Variants in ZNF184 observed in about 807,000 individuals in gnomAD.
ZNF184 encodes the protein zinc finger protein 184, also known as zinc finger protein 184 (Kruppel-like).
ZNF184 carries 16 observed loss-of-function variants against 54.4 expected under a neutral mutation model. The observed-to-expected ratio is 0.29, with a 90% CI of 0.20 to 0.45. ZNF184 has a LOEUF of 0.45. Among genes scored for constraint, ZNF184 ranks in the 20% least tolerant of loss-of-function variants. The probability of loss-of-function intolerance (pLI) is 1.00; values close to 1 mark genes in which losing one functional copy is unlikely to be tolerated. For synonymous variants in ZNF184, 254 were observed against 295.3 expected, an observed-to-expected ratio of 0.86 and a Z score of 1.43; for missense variants, 681 against 888.2, an observed-to-expected ratio of 0.77 and a Z score of 2.97.
chr6:27,414,770 C>T, the ZNF184 span, among the ~76,000 whole-genome samples: 16 of 151,984 alleles, frequency 1.1e-4, no homozygotes, highest in African/African-American at 3.6e-4. Context: ...ATTATCTCCC[C>T]CTTCAGTGAG....
chr6:27,451,161 T>C lies in ZNF184; in HGVS notation c.*142A>G. On this transcript the variant is annotated 3_prime_UTR_variant, in exon 6 of 6. Coordinates refer to ENST00000683788, the MANE Select transcript of ZNF184 (RefSeq NM_001318891.2). ...TAACAATTGGATTAGTTCAGCCCAA[T>C]GTACTTTCCATTCCATAACATGATA... 4.0e-6 allele frequency: 4 copies of C among 995,150 alleles called. No individual in the cohort carries two copies. Among genetic ancestry groups the C allele is most frequent in the Non-Finnish European group, 5.8e-6 (4 of 693,502 alleles). 61.6% of individuals were successfully genotyped at this position (995,150 alleles called of 1,614,324 possible).
At chr6:27,448,064 G>A (rs1452220894), downstream of ZNF184, among the ~76,000 whole-genome samples, 1 of 152,156 alleles carries the variant, frequency 6.6e-6, no homozygotes, top group East Asian at 1.9e-4. Flanking sequence ...TATTCACTTT[G>A]CACATTTATA....
At chr6:27,436,839 C>T in the ZNF184 span, among the ~76,000 whole-genome samples, 1 of 152,048 alleles carries the variant, frequency 6.6e-6, no homozygotes, top group Non-Finnish European at 1.5e-5. Context: ...TCTTGACTGC[C>T]AAGAAATGGC....
At chr6:27,456,949 A>G in intron 4 of ZNF184, 28 bp from the exon 5 acceptor site, 1 of 1,576,304 alleles carries the variant, frequency 6.3e-7, no homozygotes. Context: ...AAAGAAAGAA[A>G]CCTGCAGTAA....
At chr6:27,459,529 T>A (rs1762946757) in intron 3 of ZNF184, among the ~76,000 whole-genome samples, 1 of 152,136 alleles carries the variant, frequency 6.6e-6, no homozygotes, top group African/African-American at 2.4e-5. Flanking sequence ...AATATCAGAC[T>A]GGGTAACACT....
chr6:27,449,459 G>A (rs1762674670), downstream of ZNF184, among the ~76,000 whole-genome samples: 1 of 152,126 alleles, frequency 6.6e-6, no homozygotes, highest in African/African-American at 2.4e-5. Context: ...TTCTCCCTTC[G>A]ATTTTAATTT....
At chr6:27,425,101 GGGCC>G in the ZNF184 span, among the ~76,000 whole-genome samples, 1 of 152,214 alleles carries the variant, frequency 6.6e-6, no homozygotes, top group African/African-American at 2.4e-5. Context: ...GGGGCCGCCA[GGGCC>G]GGCCGGCTGC....
intron 3 of ZNF184, among the ~76,000 whole-genome samples, chr6:27,466,375 C>T (rs920229848): frequency 1.8e-4 from 27 of 152,208 alleles, no homozygotes; most frequent in Non-Finnish European, 3.1e-4. Flanking sequence ...AAGCTTATGG[C>T]AATTAATTAT....
chr6:27,432,931 G>A, the ZNF184 span, among the ~76,000 whole-genome samples: 27 of 152,154 alleles, frequency 1.8e-4, no homozygotes, highest in Non-Finnish European at 2.9e-4. This position sits in a 1 kb window ranked among gnomAD's most constrained non-coding sequence, Gnocchi z 4.0. Context: ...CCACCATAAC[G>A]TGAGAAAGCC....
the ZNF184 span, among the ~76,000 whole-genome samples, chr6:27,413,999 G>A: frequency 1.9e-3 from 295 of 152,232 alleles, no homozygotes; most frequent in African/African-American, 6.3e-3. Context: ...TAATAATCTT[G>A]TTCACTATGC....
the ZNF184 span, among the ~76,000 whole-genome samples, chr6:27,443,409 G>A: frequency 1.3e-5 from 2 of 152,118 alleles, no homozygotes; most frequent in African/African-American, 4.8e-5. Context: ...TTCATTTGTG[G>A]GAGATGATAG....
the ZNF184 span, among the ~76,000 whole-genome samples, chr6:27,408,676 C>A: frequency 6.6e-6 from 1 of 152,230 alleles, no homozygotes; most frequent in Non-Finnish European, 1.5e-5. Flanking sequence ...ATACAACTTA[C>A]TGCCATATCC....
chr6:27,465,799 T>C (rs1408372891), intron 3 of ZNF184, among the ~76,000 whole-genome samples: 1 of 152,062 alleles, frequency 6.6e-6, no homozygotes, highest in Non-Finnish European at 1.5e-5. Flanking sequence ...CAGTCTGAGA[T>C]TTCAATACCC....
the ZNF184 span, among the ~76,000 whole-genome samples, chr6:27,425,163 G>C: frequency 1.3e-5 from 2 of 152,332 alleles, no homozygotes; most frequent in Admixed American, 1.3e-4. Context: ...AACTCCAGCT[G>C]GCCCGCAAGC....
chr6:27,471,830 G>A (rs981073824), intron 2 of ZNF184, among the ~76,000 whole-genome samples: 29 of 152,170 alleles, frequency 1.9e-4, no homozygotes, highest in African/African-American at 6.7e-4. Context: ...TTTAATATAA[G>A]AAACTAAAAA....
rs1762720304 is a variant in ZNF184, at chr6:27,451,533, C to G, written c.2026G>C (p.Asp676His). Residue 676 changes from aspartate (D) to histidine (H), a missense_variant, in exon 6 of 6, where the codon GAC (aspartate) becomes CAC (histidine). By Grantham distance (81) the Asp-to-His change is moderately conservative. Coordinates refer to ENST00000683788, the MANE Select transcript of ZNF184 (RefSeq NM_001318891.2). ...GEKPYKCNEC[D>H]KAFSRSTHLT... ...TGAGTGCTCCGGCTAAAGGCTTTGT[C>G]ACATTCATTGCACTTATAGGGCTTC... 6.2e-7 allele frequency: 1 copy of G among 1,613,966 alleles called. No individual in the cohort carries two copies. The highest frequency in any genetic ancestry group is 1.3e-5 in the African/African-American group (1 of 74,900).
Position 27,452,459 on chromosome 6 carries a change from C to T in ZNF184, c.1100G>A (p.Cys367Tyr). 1 of 1,614,082 alleles carries T rather than the reference C, an allele frequency of 6.2e-7. No individual in the cohort carries two copies. The highest frequency in any genetic ancestry group is 8.5e-7 in the Non-Finnish European group (1 of 1,180,006). ...TGTGCTCCTGGTGAAGGTTTTATCA[C>T]ATTCATCACATTTAAAAGGTTTTTC... is the stretch of plus-strand genomic sequence containing the variant. ...TGEKPFKCDECDKTFTRSTHL... is the reference protein window; with the variant it reads ...TGEKPFKCDEYDKTFTRSTHL... The change falls in exon 6 of 6, where the codon TGT becomes TAT. Residue 367 changes from cysteine (C) to tyrosine (Y), a missense_variant. Transcript: ENST00000683788. This position sits in a 1 kb window ranked among gnomAD's most constrained non-coding sequence, Gnocchi z 5.5.
intron 5 of ZNF184, among the ~76,000 whole-genome samples, chr6:27,455,199 T>G (rs112370903): frequency 0.012 from 1,886 of 152,270 alleles, 19 homozygotes; most frequent in African/African-American, 0.029. Context: ...GAGGGCTGAT[T>G]TACCAAGACT....
At chr6:27,414,154 T>C in the ZNF184 span, among the ~76,000 whole-genome samples, 1 of 152,182 alleles carries the variant, frequency 6.6e-6, no homozygotes, top group African/African-American at 2.4e-5. Flanking sequence ...TACTTCAAAA[T>C]TGTTCTAGAA....
Sources: gnomAD v4.1 joint callset for allele counts (sites outside exome capture counted in the v4.1 genomes callset) on GRCh38, gnomAD v4.1.1 for gene constraint, Gnocchi (gnomAD v3.1) non-coding constraint, MANE v1.5 for transcripts, NCBI Gene and HGNC (gene_info 2026-07-23, HGNC 2026-07-21) for gene names.